The following RALGAPB variants were observed in gnomAD, a reference collection of about 807,000 sequenced individuals.
RALGAPB encodes the protein Ral GTPase activating protein non-catalytic subunit beta.
A neutral mutation model predicts 161.1 loss-of-function variants in RALGAPB; 25 were observed. The observed-to-expected ratio is 0.16, with a 90% CI of 0.11 to 0.22. The LOEUF is 0.22. RALGAPB is among the 10% of genes least tolerant of loss of function. The pLI is 1.00. For synonymous variants in RALGAPB, 629 were observed against 626.1 expected (o/e 1.00, Z -0.07); for missense variants, 1,391 against 1,815.2 (o/e 0.77, Z 4.25).
At chr20:38,541,017 T>TG in intron 17 of RALGAPB, 24 bp from the exon 18 acceptor site, 1 of 1,609,086 alleles carries the variant, frequency 6.2e-7, no homozygotes, top group East Asian at 2.2e-5. Context: ...GTTCTAAAAA[T>TG]TGATCTGCCT....
intron 16 of RALGAPB, among the ~76,000 whole-genome samples, chr20:38,539,448 G>C (rs2086902002): frequency 6.6e-6 from 1 of 152,186 alleles, no homozygotes; most frequent in Non-Finnish European, 1.5e-5. Context: ...GTGCATCACT[G>C]TGAGGTTGGG....
chr20:38,510,839 G>A (rs907167849), intron 6 of RALGAPB, among the ~76,000 whole-genome samples: 2 of 121,784 alleles, frequency 1.6e-5, no homozygotes, highest in Non-Finnish European at 3.1e-5. Flanking sequence ...GAACCCGGGA[G>A]GCGGAGCTTG....
At chr20:38,571,654 C>G in intron 28 of RALGAPB, among the ~76,000 whole-genome samples, 1 of 152,298 alleles carries the variant, frequency 6.6e-6, no homozygotes, top group Admixed American at 6.5e-5. Context: ...GTGAAGAATG[C>G]TGCAGTGAAA....
At chr20:38,483,246 A>G (rs1389051900) in intron 1 of RALGAPB, among the ~76,000 whole-genome samples, 1 of 152,198 alleles carries the variant, frequency 6.6e-6, no homozygotes, top group African/African-American at 2.4e-5. Flanking sequence ...AAAGTAGAGT[A>G]ACTTTTGCAA....
intron 10 of RALGAPB, among the ~76,000 whole-genome samples, chr20:38,524,491 ATT>A (rs11086644): frequency 6.6e-6 from 1 of 150,846 alleles, no homozygotes; most frequent in Non-Finnish European, 1.5e-5. Flanking sequence ...ACAGACATGA[ATT>A]TTTTTTTTTC....
Position 38,570,105 on chromosome 20 carries a change from C to G in RALGAPB, c.4063+109C>G, listed in dbSNP as rs150582012. 8.6e-4 allele frequency: 722 copies of G among 836,392 alleles called. 1 individual carries two copies. Among genetic ancestry groups the G allele is most frequent in the Non-Finnish European group, 1.3e-3 (677 of 525,318 alleles). 51.8% of individuals were successfully genotyped at this position (836,392 alleles called of 1,614,324 possible). A position where few individuals can be genotyped will look rare whatever the true frequency, so the allele number is the denominator to read the frequency against. ...AGCCTGGTGTGGCCAGGAGCTAGTC[C>G]TGGAGTTCAGCAAGCCTTGGTTTGT... On this transcript the variant is annotated intron_variant, in intron 27 of 29. Coordinates refer to ENST00000262879, the MANE Select transcript of RALGAPB (RefSeq NM_020336.4).
chr20:38,551,014 C>A, intron 20 of RALGAPB, 57 bp from the exon 21 acceptor site: 2 of 1,555,470 alleles, frequency 1.3e-6, no homozygotes, highest in South Asian at 2.3e-5. Context: ...AAATACATGT[C>A]ATTACAGATG....
chr20:38,540,316 C>G (rs2086927883), intron 17 of RALGAPB, among the ~76,000 whole-genome samples: 1 of 152,188 alleles, frequency 6.6e-6, no homozygotes, highest in Admixed American at 6.5e-5. Flanking sequence ...AGGCTGCAAA[C>G]CTAGAGCACA....
At chr20:38,548,373 AGAT>A (rs1456740106) in intron 19 of RALGAPB, among the ~76,000 whole-genome samples, 2 of 152,262 alleles carry the variant, frequency 1.3e-5, no homozygotes, top group African/African-American at 4.8e-5. Flanking sequence ...GAGGTATGTG[AGAT>A]GATCTTAGTT....
At chr20:38,509,835 A>G (rs1195737881) in intron 6 of RALGAPB, among the ~76,000 whole-genome samples, 1 of 152,074 alleles carries the variant, frequency 6.6e-6, no homozygotes, top group Admixed American at 6.6e-5. Context: ...TAACTAGCCT[A>G]ATTTTTCTAT....
At chr20:38,487,710 A>G (rs1215369347) in intron 1 of RALGAPB, among the ~76,000 whole-genome samples, 2 of 152,190 alleles carry the variant, frequency 1.3e-5, no homozygotes, top group South Asian at 2.1e-4. Flanking sequence ...AGGAAAATCT[A>G]GGAGACTACA....
chr20:38,507,845 C>T (rs2085810746), intron 5 of RALGAPB, among the ~76,000 whole-genome samples: 1 of 151,846 alleles, frequency 6.6e-6, no homozygotes, highest in African/African-American at 2.4e-5. Context: ...ATGTTGTTCC[C>T]ATTGTTTTAT....
rs955221389 is a variant in RALGAPB, at chr20:38,510,718, G to A, written c.872+1510G>A. ...GAGGTCAGGAGATCGAGACCATCCC[G>A]GCTAAAACGGTGAAACCCCGTCTCT... On this transcript the variant is annotated intron_variant, in intron 6 of 29. Coordinates refer to ENST00000262879, the MANE Select transcript of RALGAPB (RefSeq NM_020336.4). 1.3e-4 allele frequency among the ~76,000 whole-genome samples: 18 copies of A among 142,952 alleles called. 4 individuals carry two copies. The highest frequency in any genetic ancestry group is 4.0e-4 in the African/African-American group (13 of 32,876). 93.8% of individuals were successfully genotyped at this position (142,952 alleles called of 152,430 possible). A position where few individuals can be genotyped will look rare whatever the true frequency, so the allele number is the denominator to read the frequency against.
intron 19 of RALGAPB, chr20:38,547,814 CTT>C (rs2145421134): frequency 6.6e-6 from 1 of 152,306 alleles, no homozygotes; most frequent in Non-Finnish European, 1.5e-5. Flanking sequence ...GCTTGCTTGG[CTT>C]TCTTTCCTAG....
rs752234752 is a variant in RALGAPB, at chr20:38,539,926, C to T, written c.2530C>T (p.Leu844=). 1.9e-6 allele frequency: 3 copies of T among 1,613,828 alleles called. No individual in the cohort carries two copies. The highest frequency in any genetic ancestry group is 3.3e-5 in the Admixed American group (2 of 60,000). ...AGCTTTTCAGTGTCTCTGTGTCTGGCTGACAGAGCACCCTGATATGCTTGA... is the reference window on the plus strand; with the variant it reads ...AGCTTTTCAGTGTCTCTGTGTCTGGTTGACAGAGCACCCTGATATGCTTGA... ...VAAFQCLCVW[L]TEHPDMLDEK... The change falls in exon 17 of 30, where the codon CTG becomes TTG. Residue 844 remains leucine, a synonymous_variant. Transcript: ENST00000262879.
At chr20:38,543,766 G>A (rs1188727497) in intron 18 of RALGAPB, among the ~76,000 whole-genome samples, 1 of 152,158 alleles carries the variant, frequency 6.6e-6, no homozygotes, top group Non-Finnish European at 1.5e-5. Flanking sequence ...CCGCTGTTCA[G>A]TGCTTATAGC....
intron 18 of RALGAPB, among the ~76,000 whole-genome samples, 162 bp from the exon 19 acceptor site, chr20:38,546,081 C>T (rs775207651): frequency 6.6e-6 from 1 of 152,142 alleles, no homozygotes. Context: ...AGAGTCTGGA[C>T]AGCATGCCAT....
chr20:38,553,766 G>C, intron 21 of RALGAPB, 101 bp from the exon 22 acceptor site: 2 of 850,136 alleles, frequency 2.4e-6, no homozygotes, highest in South Asian at 1.9e-5. Context: ...GGTCAACATA[G>C]AGCCCAGTCT....
chr20:38,493,966 C>T (rs1441415069), intron 3 of RALGAPB, among the ~76,000 whole-genome samples: 1 of 152,186 alleles, frequency 6.6e-6, no homozygotes, highest in Non-Finnish European at 1.5e-5. Flanking sequence ...AAAGATCTTT[C>T]CCATCATGAT....
Sources: gnomAD v4.1 joint callset for allele counts (sites outside exome capture counted in the v4.1 genomes callset) on GRCh38, gnomAD v4.1.1 for gene constraint, MANE v1.5 for transcripts, NCBI Gene and HGNC (gene_info 2026-07-23, HGNC 2026-07-21) for gene names.